ABI1: variants seen among roughly 807,000 people sequenced by gnomAD.
ABI1 encodes the protein abl interactor 1.
Under a neutral mutation model 54.6 loss-of-function variants are expected in ABI1, and 14 were observed. The ratio of observed to expected loss-of-function variants is 0.26; its 90% CI spans 0.17 to 0.40. ABI1 has a LOEUF of 0.40. Among genes scored for constraint, ABI1 ranks in the 10% least tolerant of loss-of-function variants. The pLI is 1.00. For missense variants in ABI1, 443 were observed against 598.3 expected, an observed-to-expected ratio of 0.74 and a Z score of 2.71; for synonymous variants, 194 against 209.3, an observed-to-expected ratio of 0.93 and a Z score of 0.63.
chr10:26,801,831 C>T (rs535282276), intron 2 of ABI1, among the ~76,000 whole-genome samples: 2 of 152,294 alleles, frequency 1.3e-5, no homozygotes, highest in Non-Finnish European at 2.9e-5. Context: ...TAAATGCATG[C>T]ATGCATGCTA....
intron 1 of ABI1, among the ~76,000 whole-genome samples, chr10:26,825,370 AT>A (rs913629390): frequency 4.0e-5 from 6 of 151,786 alleles, no homozygotes; most frequent in South Asian, 2.1e-4. Flanking sequence ...TGAAAAAAAA[AT>A]TTTTTTTGGC....
chr10:26,847,952 C>T (rs980274763), intron 1 of ABI1, among the ~76,000 whole-genome samples: 6 of 151,646 alleles, frequency 4.0e-5, no homozygotes, highest in Admixed American at 6.6e-5. Flanking sequence ...AGGATTGCTA[C>T]GTTGGGAGGC....
chr10:26,808,476 C>A (rs569221498), intron 2 of ABI1, among the ~76,000 whole-genome samples: 81 of 152,124 alleles, frequency 5.3e-4, no homozygotes, highest in Non-Finnish European at 9.1e-4. Flanking sequence ...GGTCCCAGCA[C>A]TTTGGGAGGC....
chr10:26,850,276 T>C (rs1327605511), intron 1 of ABI1, among the ~76,000 whole-genome samples: 1 of 152,242 alleles, frequency 6.6e-6, no homozygotes. Flanking sequence ...ATGTTAATAA[T>C]AAACACATTA....
At chr10:26,815,104 C>A (rs538186323) in intron 2 of ABI1, among the ~76,000 whole-genome samples, 1 of 152,192 alleles carries the variant, frequency 6.6e-6, no homozygotes, top group Non-Finnish European at 1.5e-5. Flanking sequence ...AAAAAAATTT[C>A]TTTCACTACA....
intron 1 of ABI1, among the ~76,000 whole-genome samples, chr10:26,831,343 G>GA (rs2048658938): frequency 6.6e-6 from 1 of 151,978 alleles, no homozygotes; most frequent in Non-Finnish European, 1.5e-5. Flanking sequence ...AGGAGTTCAA[G>GA]ACCAGACTGG....
intron 3 of ABI1, among the ~76,000 whole-genome samples, chr10:26,775,604 A>C (rs747623521): frequency 1.6e-4 from 24 of 152,096 alleles, no homozygotes; most frequent in Non-Finnish European, 2.2e-4. Flanking sequence ...TACACCTCCC[A>C]CTTACACATA....
At chr10:26,749,063 A>G (rs1057464945) in intron 10 of ABI1, among the ~76,000 whole-genome samples, 10 of 152,214 alleles carry the variant, frequency 6.6e-5, no homozygotes, top group African/African-American at 2.4e-4. Context: ...ATCATATGCA[A>G]AGCACCGGCT....
intron 2 of ABI1, among the ~76,000 whole-genome samples, chr10:26,778,074 T>C (rs1336121639): frequency 6.6e-6 from 1 of 151,758 alleles, no homozygotes; most frequent in African/African-American, 2.4e-5. Flanking sequence ...GAGGTAGATA[T>C]GAAAAATATT....
chr10:26,760,082 T>A (rs3802615), intron 7 of ABI1, among the ~76,000 whole-genome samples: 10,476 of 141,826 alleles, frequency 0.074, 388 homozygotes, highest in East Asian at 0.15. Flanking sequence ...AATCTGCTTT[T>A]AAAAAAAAAA....
chr10:26,750,857 T>C (rs1041591943), intron 10 of ABI1, among the ~76,000 whole-genome samples: 1 of 152,210 alleles, frequency 6.6e-6, no homozygotes, highest in Admixed American at 6.5e-5. Context: ...TCGGGTACTA[T>C]AGGTAAATTA....
intron 2 of ABI1, among the ~76,000 whole-genome samples, chr10:26,782,769 GAC>G (rs139341555): frequency 0.067 from 9,995 of 148,882 alleles, 362 homozygotes; most frequent in East Asian, 0.14. Context: ...CACATGAAAA[GAC>G]ACTCAATACC....
At chr10:26,842,842 C>G (rs2049629414) in intron 1 of ABI1, among the ~76,000 whole-genome samples, 1 of 152,000 alleles carries the variant, frequency 6.6e-6, no homozygotes, top group South Asian at 2.1e-4. Flanking sequence ...GTCAGGAGAT[C>G]AAACCATCCT....
At chr10:26,786,337 C>G (rs1050831345) in intron 2 of ABI1, among the ~76,000 whole-genome samples, 1 of 151,914 alleles carries the variant, frequency 6.6e-6, no homozygotes, top group Non-Finnish European at 1.5e-5. Flanking sequence ...TCTCATGACT[C>G]CCGAGTAGCT....
At chr10:26,801,392 C>A (rs781001845) in intron 2 of ABI1, among the ~76,000 whole-genome samples, 1 of 151,898 alleles carries the variant, frequency 6.6e-6, no homozygotes, top group Non-Finnish European at 1.5e-5. Context: ...ACAAAAAATA[C>A]AAAAATTAGC....
chr10:26,770,311 A>G lies in ABI1; in HGVS notation c.512T>C (p.Leu171Pro). 1 of 1,614,070 alleles carries G rather than the reference A, an allele frequency of 6.2e-7. No homozygotes were observed. The highest frequency in any genetic ancestry group is 8.5e-7 in the Non-Finnish European group (1 of 1,179,906). Residue 171 changes from leucine (L) to proline (P), a missense_variant, in exon 5 of 11, where the codon CTG becomes CCG. Around this residue, in one of 2 missense-constraint regions of ABI1, gnomAD observed 394 missense variants for 484.8 expected, o/e 0.81. Coordinates refer to ENST00000376140, the MANE Select transcript of ABI1 (RefSeq NM_001012750.3). ...CTGAGTAGGAGGATTTGTTCTCGAC[A>G]GTGTGCCAGTTCTTGCAGGCTGGTT... Reference protein sequence around the residue: ...GNNQPARTGTLSRTNPPTQKP... With the variant: ...GNNQPARTGTPSRTNPPTQKP...
intron 2 of ABI1, among the ~76,000 whole-genome samples, chr10:26,797,779 A>G (rs1364889369): frequency 6.6e-6 from 1 of 152,206 alleles, no homozygotes; most frequent in Non-Finnish European, 1.5e-5. Flanking sequence ...GAAGAAACTG[A>G]GTTTTAATCA....
chr10:26,769,664 G>A (rs997562138), intron 5 of ABI1, among the ~76,000 whole-genome samples: 2 of 152,114 alleles, frequency 1.3e-5, no homozygotes, highest in Non-Finnish European at 2.9e-5. Context: ...AGTACACTGA[G>A]AACTAGGAAG....
At chr10:26,796,368 T>C (rs909226293) in intron 2 of ABI1, among the ~76,000 whole-genome samples, 3 of 152,234 alleles carry the variant, frequency 2.0e-5, no homozygotes, top group Non-Finnish European at 2.9e-5. Flanking sequence ...ACTGTATTTT[T>C]ATTGTACCTT....
Sources: gnomAD v4.1 joint callset for allele counts (sites outside exome capture counted in the v4.1 genomes callset) on GRCh38, gnomAD v4.1.1 for gene constraint, gnomAD v4.1.1 regional missense constraint, MANE v1.5 for transcripts, NCBI Gene and HGNC (gene_info 2026-07-23, HGNC 2026-07-21) for gene names.